Variants in KCNC2 observed in about 807,000 individuals in gnomAD.
The protein encoded by KCNC2 is potassium voltage-gated channel subfamily C member 2, also known as voltage-gated potassium channel KCNC2.
Under a neutral mutation model 44.5 loss-of-function variants are expected in KCNC2, and 21 were observed. The ratio of observed to expected loss-of-function variants is 0.47; its 90% CI spans 0.33 to 0.68. The LOEUF is 0.68. Among genes scored for constraint, KCNC2 ranks in the 30% least tolerant of loss-of-function variants. KCNC2 has a pLI of 0.01. For synonymous variants in KCNC2, 391 were observed against 339.1 expected (o/e 1.15, Z -1.68); for missense variants, 589 against 826.2 (o/e 0.71, Z 3.52).
rs1388356005 is a variant in KCNC2, at chr12:75,207,685, C to T, written c.299G>A (p.Arg100His). 6.2e-7 allele frequency: 1 copy of T among 1,600,722 alleles called. No homozygotes were observed. Among genetic ancestry groups the T allele is most frequent in the Non-Finnish European group, 8.5e-7 (1 of 1,174,670 alleles). The change falls in exon 2 of 5, where the codon CGC (arginine) becomes CAC (histidine). Residue 100 changes from arginine to histidine, a missense_variant. Arg to His is a conservative substitution (Grantham distance 29). This residue lies in a region of KCNC2 where 40 missense variants were observed against 102.0 expected (regional missense o/e 0.39). Transcript: ENST00000549446. This position sits in a 1 kb window ranked among gnomAD's most constrained non-coding sequence, Gnocchi z 4.1. ...CGGGTGCCGGTCGAAGAAGAACTCG[C>T]GGCCGCCACCGGGATGGTCGCTGGC... Reference protein sequence around the residue: ...GRASDHPGGGREFFFDRHPGV... With the variant: ...GRASDHPGGGHEFFFDRHPGV...
Position 75,068,808 on chromosome 12 carries a change from A to C in KCNC2, c.688-17491T>G, listed in dbSNP as rs76035079. Among the ~76,000 whole-genome samples the C allele has an allele frequency of 2.7e-3, 414 of 152,276 alleles. 3 individuals carry two copies. Among genetic ancestry groups the C allele is most frequent in the African/African-American group, 9.5e-3 (394 of 41,550 alleles). On this transcript the variant is annotated intron_variant, in intron 2 of 4. Coordinates refer to ENST00000549446, the MANE Select transcript of KCNC2 (RefSeq NM_139137.4). Reference sequence around the variant, plus strand: ...CATGAGACTGTTGAGCCCAGAACCAAACTGTGATAGGTTCAGGAATGACCA... The same window carrying C: ...CATGAGACTGTTGAGCCCAGAACCACACTGTGATAGGTTCAGGAATGACCA...
At chr12:75,204,769 A>G (rs1363767036) in intron 2 of KCNC2, among the ~76,000 whole-genome samples, 1 of 152,156 alleles carries the variant, frequency 6.6e-6, no homozygotes, top group Non-Finnish European at 1.5e-5. Flanking sequence ...AAAAGTGCTC[A>G]GGTAAAAATA....
chr12:75,111,189 C>A (rs897037758), intron 2 of KCNC2, among the ~76,000 whole-genome samples: 9 of 152,084 alleles, frequency 5.9e-5, no homozygotes, highest in Admixed American at 5.2e-4. Flanking sequence ...TGCTGTAATT[C>A]TCTGTGTTCA....
intron 4 of KCNC2, among the ~76,000 whole-genome samples, chr12:75,045,825 T>A (rs895115621): frequency 6.6e-6 from 1 of 151,906 alleles, no homozygotes; most frequent in African/African-American, 2.4e-5. Flanking sequence ...CCAATTACGT[T>A]CATATTTTTA....
At chr12:75,073,998 C>T (rs1047080610) in intron 2 of KCNC2, among the ~76,000 whole-genome samples, 2 of 152,082 alleles carry the variant, frequency 1.3e-5, no homozygotes, top group Non-Finnish European at 2.9e-5. Flanking sequence ...CTCTTTTATG[C>T]CTTTGCCTAT....
At chr12:75,081,021 T>C (rs1884449597) in intron 2 of KCNC2, among the ~76,000 whole-genome samples, 1 of 152,136 alleles carries the variant, frequency 6.6e-6, no homozygotes, top group East Asian at 1.9e-4. Flanking sequence ...TAATATATGC[T>C]AGCCGAGGAT....
intron 2 of KCNC2, among the ~76,000 whole-genome samples, chr12:75,119,515 T>G (rs1887903769): frequency 6.6e-6 from 1 of 152,218 alleles, no homozygotes; most frequent in African/African-American, 2.4e-5. Context: ...GAGAAACTGG[T>G]GACTTAACCA....
chr12:75,048,076 C>T, intron 4 of KCNC2, 77 bp downstream of exon 4: 1 of 1,282,326 alleles, frequency 7.8e-7, no homozygotes, highest in African/African-American at 1.5e-5. Flanking sequence ...GATGAATGAG[C>T]ATTTTACATT....
intron 2 of KCNC2, among the ~76,000 whole-genome samples, chr12:75,156,088 T>G (rs1213315705): frequency 1.3e-5 from 2 of 151,804 alleles, no homozygotes; most frequent in East Asian, 3.9e-4. Context: ...ACCTCAGAGC[T>G]TTTAAGAGTA....
In KCNC2 at chr12:75,041,833, G is replaced by A; in HGVS notation, c.*1272C>T. The A allele has an allele frequency of 1.0e-6, 1 of 988,118 alleles. No homozygotes were observed. 61.2% of individuals were successfully genotyped at this position (988,118 alleles called of 1,614,324 possible). ...CATTAATTTATACACAAAGCAGAGA[G>A]GCTGCTCCAAATAGCAAAAAATGGT... is the stretch of plus-strand genomic sequence containing the variant. On this transcript the variant is annotated 3_prime_UTR_variant, in exon 5 of 5. Coordinates refer to ENST00000549446, the MANE Select transcript of KCNC2 (RefSeq NM_139137.4).
intron 4 of KCNC2, chr12:75,043,948 G>T: frequency 1.9e-6 from 1 of 514,084 alleles, no homozygotes; most frequent in Non-Finnish European, 3.4e-6. Flanking sequence ...TCCCACCCAG[G>T]AATTGAGAAT....
chr12:75,195,767 T>C (rs2030708020), intron 2 of KCNC2, among the ~76,000 whole-genome samples: 1 of 152,122 alleles, frequency 6.6e-6, no homozygotes, highest in Non-Finnish European at 1.5e-5. Context: ...AGAATGATAT[T>C]GCCGATTACA....
At chr12:75,170,570 C>T (rs2168902) in intron 2 of KCNC2, among the ~76,000 whole-genome samples, 3 of 151,806 alleles carry the variant, frequency 2.0e-5, no homozygotes, top group African/African-American at 7.2e-5. Context: ...AAAAAAAGTT[C>T]TTTAATTACA....
intron 2 of KCNC2, among the ~76,000 whole-genome samples, chr12:75,091,329 T>G (rs192886672): frequency 6.6e-6 from 1 of 151,862 alleles, no homozygotes; most frequent in Admixed American, 6.6e-5. Flanking sequence ...GACCAATATG[T>G]CATTGAAGTA....
At chr12:75,136,092 C>T (rs1166242075) in intron 2 of KCNC2, among the ~76,000 whole-genome samples, 2 of 151,976 alleles carry the variant, frequency 1.3e-5, no homozygotes, top group Non-Finnish European at 2.9e-5. Context: ...ATAACCTCCT[C>T]TACAGCCTAC....
chr12:75,169,490 A>G (rs1025609392), intron 2 of KCNC2, among the ~76,000 whole-genome samples: 8 of 151,574 alleles, frequency 5.3e-5, no homozygotes, highest in African/African-American at 1.4e-4. Flanking sequence ...ATATAGGAAG[A>G]TGGTTGTATA....
At chr12:75,081,887 T>C (rs944184213) in intron 2 of KCNC2, among the ~76,000 whole-genome samples, 6 of 151,988 alleles carry the variant, frequency 3.9e-5, no homozygotes. Context: ...CTGTACCAAA[T>C]CTACAAGAGC....
At chr12:75,043,729 T>G (rs1880176145) in intron 4 of KCNC2, 1 of 1,472,524 alleles carries the variant, frequency 6.8e-7, no homozygotes, top group Non-Finnish European at 9.0e-7. Context: ...TCTTCCAGCT[T>G]TATAGGGTTA....
intron 2 of KCNC2, among the ~76,000 whole-genome samples, chr12:75,129,716 T>A (rs1176461249): frequency 2.6e-5 from 4 of 151,556 alleles, no homozygotes; most frequent in African/African-American, 9.7e-5. Context: ...CAAAAAAAAA[T>A]GGAGATGGAG....
Sources: allele counts gnomAD v4.1 joint callset (sites outside exome capture counted in the v4.1 genomes callset), GRCh38; gene constraint gnomAD v4.1.1; regional missense constraint gnomAD v4.1.1; non-coding constraint Gnocchi (gnomAD v3.1); transcripts MANE v1.5; gene names NCBI Gene and HGNC (gene_info 2026-07-23, HGNC 2026-07-21).